Variants in DLGAP2 observed in about 807,000 individuals in gnomAD.
The protein encoded by DLGAP2 is DLG associated protein 2.
In DLGAP2, 26 loss-of-function variants were observed where a neutral mutation model predicts 100.3. The ratio of observed to expected loss-of-function variants is 0.26; its 90% CI spans 0.19 to 0.36. The LOEUF is 0.36. Among genes scored for constraint, DLGAP2 ranks in the 10% least tolerant of loss-of-function variants. The pLI is 1.00. For synonymous variants in DLGAP2, 886 were observed against 630.1 expected, an observed-to-expected ratio of 1.41 and a Z score of -6.08; for missense variants, 1,858 against 1,453.2, an observed-to-expected ratio of 1.28 and a Z score of -4.53.
At chr8:915,932 C>T (rs151261693) in intron 2 of DLGAP2, among the ~76,000 whole-genome samples, 22 of 149,186 alleles carry the variant, frequency 1.5e-4, no homozygotes, top group African/African-American at 3.5e-4. Flanking sequence ...GTACACTCTC[C>T]GCACTCTCTT....
intron 2 of DLGAP2, among the ~76,000 whole-genome samples, chr8:964,679 C>T (rs1239500089): frequency 1.3e-5 from 2 of 152,234 alleles, no homozygotes; most frequent in Non-Finnish European, 2.9e-5. Context: ...TCAGGGGTCC[C>T]AGTGTGGCTT....
At chr8:1,635,265 A>C (rs1356732522) in intron 8 of DLGAP2, among the ~76,000 whole-genome samples, 1 of 152,234 alleles carries the variant, frequency 6.6e-6, no homozygotes, top group Non-Finnish European at 1.5e-5. Context: ...GAAAACTCCC[A>C]GTCTGGGAAA....
intron 2 of DLGAP2, among the ~76,000 whole-genome samples, chr8:1,037,748 C>A (rs1019175091): frequency 6.6e-6 from 1 of 152,152 alleles, no homozygotes; most frequent in African/African-American, 2.4e-5. Context: ...CCGCTTTGGG[C>A]CGTTAAAATA....
chr8:1,324,900 A>G (rs963139459), intron 3 of DLGAP2, among the ~76,000 whole-genome samples: 3 of 152,216 alleles, frequency 2.0e-5, no homozygotes, highest in African/African-American at 7.2e-5. Context: ...AGACTCCACA[A>G]GCCTCGTCTT....
At chr8:1,352,973 A>C (rs1585290992) in intron 3 of DLGAP2, among the ~76,000 whole-genome samples, 1 of 152,150 alleles carries the variant, frequency 6.6e-6, no homozygotes. Flanking sequence ...GTCCATACCC[A>C]TGTGTAGACA....
chr8:1,023,156 C>T (rs1400999159), intron 2 of DLGAP2, among the ~76,000 whole-genome samples: 7 of 152,180 alleles, frequency 4.6e-5, no homozygotes, highest in Admixed American at 2.6e-4. Context: ...GACACACTGT[C>T]GCTAATAGAA....
intron 2 of DLGAP2, among the ~76,000 whole-genome samples, chr8:1,256,272 C>T (rs1346466920): frequency 8.3e-6 from 1 of 120,058 alleles, no homozygotes; most frequent in Non-Finnish European, 1.7e-5. Context: ...TGCCTGGGTG[C>T]TGTGTGTGTG....
At chr8:795,917 ACAGGCGTCCAGTGAGAG>A (rs1563035100) in intron 1 of DLGAP2, among the ~76,000 whole-genome samples, 19 of 9,010 alleles carry the variant, frequency 2.1e-3, no homozygotes, top group South Asian at 3.8e-3. Context: ...TCCAGTGAGA[ACAGGCGTCCAGTGAGAG>A]CAGGCGTCCA....
intron 3 of DLGAP2, among the ~76,000 whole-genome samples, chr8:1,438,125 C>T (rs940675626): frequency 3.9e-5 from 6 of 152,208 alleles, no homozygotes; most frequent in Non-Finnish European, 7.3e-5. Context: ...GTACTCCTGT[C>T]TCAGGAAGTG....
intron 8 of DLGAP2, among the ~76,000 whole-genome samples, chr8:1,653,904 C>T (rs1375095791): frequency 2.0e-5 from 3 of 152,150 alleles, no homozygotes; most frequent in Non-Finnish European, 4.4e-5. Context: ...GGTCTTAACT[C>T]TTGTCAGTTG....
chr8:1,582,842 C>A (rs1242463325), intron 6 of DLGAP2, among the ~76,000 whole-genome samples: 1 of 152,168 alleles, frequency 6.6e-6, no homozygotes, highest in African/African-American at 2.4e-5. Context: ...AAATGGCCCA[C>A]CCTCCTCGGC....
At chr8:1,211,805 G>C (rs1454970182) in intron 2 of DLGAP2, among the ~76,000 whole-genome samples, 1 of 152,248 alleles carries the variant, frequency 6.6e-6, no homozygotes, top group African/African-American at 2.4e-5. Flanking sequence ...AACCCGGGAG[G>C]TGGAGGTTGC....
intron 7 of DLGAP2, among the ~76,000 whole-genome samples, chr8:1,631,676 C>G (rs1797651047): frequency 6.6e-6 from 1 of 152,228 alleles, no homozygotes; most frequent in African/African-American, 2.4e-5. Context: ...GGTCTGTCTT[C>G]CCTGCAGGGT....
In DLGAP2 at chr8:1,496,789, A is replaced by G. The variant is rs373293991; in HGVS notation, c.107-4577A>G. Reference sequence around the variant, plus strand: ...ACGCTCTCCAGGCGGCACCCGAGGCACCGCACACGCCATCCGCACGTTCGC... The same window carrying G: ...ACGCTCTCCAGGCGGCACCCGAGGCGCCGCACACGCCATCCGCACGTTCGC... On this transcript the variant is annotated intron_variant, in intron 3 of 14. Transcript: ENST00000637795. Among the ~76,000 whole-genome samples, 11 of 152,188 alleles carry G rather than the reference A, an allele frequency of 7.2e-5. No individual in the cohort carries two copies. In the East Asian group the frequency reaches 2.1e-3, roughly 29 times the overall value.
intron 6 of DLGAP2, among the ~76,000 whole-genome samples, chr8:1,584,691 G>C (rs4876095): frequency 8.6e-5 from 13 of 151,844 alleles, no homozygotes; most frequent in Non-Finnish European, 1.8e-4. Flanking sequence ...CTGGGGATTC[G>C]AATGGCACTT....
rs372691263 is a variant in DLGAP2 at position 1,231,578 on chromosome 8, C to T, written c.74-27273C>T. 1.9e-4 allele frequency among the ~76,000 whole-genome samples: 29 copies of T among 152,332 alleles called. No homozygotes were observed. In the East Asian group the frequency reaches 2.1e-3, roughly 11 times the overall value. ...ACTCACGATAGCAAAGAGAGGAAAT[C>T]AGCCTAGGCATGCAACACAGGTGGA... On this transcript the variant is annotated intron_variant, in intron 2 of 14. Coordinates refer to ENST00000637795, the MANE Select transcript of DLGAP2 (RefSeq NM_001346810.2).
intron 4 of DLGAP2, among the ~76,000 whole-genome samples, chr8:1,505,985 T>C (rs1334505945): frequency 1.3e-5 from 2 of 152,226 alleles, no homozygotes; most frequent in Non-Finnish European, 2.9e-5. Context: ...GCACATATTA[T>C]ATATGCAGCA....
At chr8:1,224,958 A>G (rs959939858) in intron 2 of DLGAP2, among the ~76,000 whole-genome samples, 7 of 152,256 alleles carry the variant, frequency 4.6e-5, no homozygotes, top group Admixed American at 3.3e-4. Flanking sequence ...GTTAGCAAGG[A>G]TATGGACAAA....
chr8:1,589,219 C>T (rs562677029), intron 6 of DLGAP2, among the ~76,000 whole-genome samples: 4 of 152,296 alleles, frequency 2.6e-5, no homozygotes, highest in South Asian at 2.1e-4. Context: ...ACATTAGTTT[C>T]GTTGTCTTCT....
Sources: gnomAD v4.1 joint callset for allele counts (sites outside exome capture counted in the v4.1 genomes callset) on GRCh38, gnomAD v4.1.1 for gene constraint, MANE v1.5 for transcripts, NCBI Gene and HGNC (gene_info 2026-07-23, HGNC 2026-07-21) for gene names.